ATP2C1: variants seen among roughly 807,000 people sequenced by gnomAD.
ATP2C1 encodes ATPase secretory pathway Ca2+ transporting 1.
ATP2C1 carries 31 observed loss-of-function variants against 120.5 expected under a neutral mutation model. That is an observed-to-expected ratio of 0.26 (90% CI 0.19 to 0.35). The LOEUF is 0.35. Ranked by LOEUF, ATP2C1 falls within the 10% of genes least tolerant of loss-of-function variation. The pLI is 1.00. For synonymous variants in ATP2C1, 351 were observed against 358.7 expected (o/e 0.98, Z 0.24); for missense variants, 731 against 1,107.5 (o/e 0.66, Z 4.83).
At chr3:130,890,781 T>C (rs925686303), upstream of ATP2C1, among the ~76,000 whole-genome samples, 2 of 152,256 alleles carry the variant, frequency 1.3e-5, no homozygotes, top group Non-Finnish European at 2.9e-5. Context: ...TACAACACTC[T>C]TGGCAATAAA....
At chr3:130,980,336 C>T (rs1005910487) in intron 19 of ATP2C1, among the ~76,000 whole-genome samples, 1 of 151,718 alleles carries the variant, frequency 6.6e-6, no homozygotes, top group Non-Finnish European at 1.5e-5. Flanking sequence ...TCCTGTAGCC[C>T]CAAAGTGCAG....
At chr3:130,856,570 A>G (rs1196791304) in intron 1 of ATP2C1, among the ~76,000 whole-genome samples, 3 of 152,266 alleles carry the variant, frequency 2.0e-5, no homozygotes, top group Non-Finnish European at 4.4e-5. Context: ...TTGAAAAGTC[A>G]TGAAATGCTA....
intron 17 of ATP2C1, among the ~76,000 whole-genome samples, chr3:130,970,396 A>ACACACACG (rs1257365835): frequency 1.3e-5 from 2 of 151,126 alleles, no homozygotes; most frequent in Admixed American, 1.3e-4. Context: ...ACACACACAC[A>ACACACACG]CACACACACA....
At chr3:130,934,155 G>A (rs1039250174) in intron 4 of ATP2C1, among the ~76,000 whole-genome samples, 7 of 152,280 alleles carry the variant, frequency 4.6e-5, no homozygotes, top group African/African-American at 1.2e-4. Flanking sequence ...CTTTTGTGGA[G>A]AGGAGGGAAT....
chr3:130,969,301 G>T lies in ATP2C1; in HGVS notation c.1318G>T (p.Asp440Tyr), dbSNP rs1237770130. The stretch of plus-strand genomic sequence containing the variant: ...TCTTTGTGCCATATAGATGGGTCTT[G>T]ATGGACTTCAACAAGACTACATCAG... ...LIALAMKMGL[D>Y]GLQQDYIRKA... The change falls in exon 17 of 28, where the codon GAT (aspartate) becomes TAT (tyrosine). Residue 440 changes from aspartate (D) to tyrosine (Y), a missense_variant. This residue lies in a region of ATP2C1 where 571 missense variants were observed against 845.9 expected (regional missense o/e 0.67). Transcript: ENST00000510168. 6.2e-7 allele frequency: 1 copy of T among 1,612,990 alleles called. No homozygotes were observed. The highest frequency in any genetic ancestry group is 8.5e-7 in the Non-Finnish European group (1 of 1,179,016).
Position 130,939,770 on chromosome 3 carries a change from T to G in ATP2C1, c.361-860T>G, listed in dbSNP as rs116731578. ...GACTGATTGTGTTCTAAGTTATTCT[T>G]ACATAGCCTTGTGTTTTCTATTTGA... On this transcript the variant is annotated intron_variant, in intron 6 of 27. Coordinates refer to ENST00000510168, the MANE Select transcript of ATP2C1 (RefSeq NM_001378687.1). 4.3e-3 allele frequency among the ~76,000 whole-genome samples: 653 copies of G among 152,352 alleles called. 2 individuals are homozygous for G. The highest frequency in any genetic ancestry group is 6.8e-3 in the Middle Eastern group (2 of 294).
intron 2 of ATP2C1, among the ~76,000 whole-genome samples, chr3:130,917,224 C>T (rs764599532): frequency 5.3e-5 from 8 of 152,166 alleles, no homozygotes; most frequent in Non-Finnish European, 1.0e-4. Context: ...CTATGATGTT[C>T]GCTTCGGTAG....
chr3:130,918,386 G>C, intron 2 of ATP2C1: 1 of 1,399,404 alleles, frequency 7.1e-7, no homozygotes, highest in Non-Finnish European at 1.0e-6. Context: ...TTTTGTTCCA[G>C]GGCTTTCCAG....
chr3:130,888,010 T>C (rs921731069), intron 1 of ATP2C1, among the ~76,000 whole-genome samples: 1 of 152,166 alleles, frequency 6.6e-6, no homozygotes. Context: ...GTATTGCGGC[T>C]GATTATTTAG....
intron 5 of ATP2C1, among the ~76,000 whole-genome samples, chr3:130,936,160 A>T (rs72628528): frequency 6.6e-6 from 1 of 152,156 alleles, no homozygotes; most frequent in Non-Finnish European, 1.5e-5. Context: ...CCCAGTATTT[A>T]AGACTTTATT....
At chr3:130,937,805 T>C (rs1242069903) in intron 6 of ATP2C1, among the ~76,000 whole-genome samples, 1 of 152,210 alleles carries the variant, frequency 6.6e-6, no homozygotes, top group Admixed American at 6.5e-5. Flanking sequence ...GACCAGAGTT[T>C]ATAGTTTCAT....
At chr3:130,854,027 G>A (rs1005104223) in intron 1 of ATP2C1, among the ~76,000 whole-genome samples, 15 of 141,938 alleles carry the variant, frequency 1.1e-4, no homozygotes, top group South Asian at 2.4e-4. Flanking sequence ...TGCTCTTCTC[G>A]CACTTGGTGT....
intron 17 of ATP2C1, among the ~76,000 whole-genome samples, chr3:130,970,630 A>C (rs1462808638): frequency 6.6e-6 from 1 of 152,014 alleles, no homozygotes; most frequent in African/African-American, 2.4e-5. Flanking sequence ...CTGGACTCAC[A>C]TGATCCTCCA....
At chr3:130,925,213 G>A (rs959215335) in intron 2 of ATP2C1, among the ~76,000 whole-genome samples, 8 of 152,146 alleles carry the variant, frequency 5.3e-5, no homozygotes, top group Admixed American at 5.2e-4. Context: ...TATGTCAGAG[G>A]GAAGATCTGG....
intron 7 of ATP2C1, 84 bp downstream of exon 7, chr3:130,940,775 C>A: frequency 9.4e-7 from 1 of 1,059,138 alleles, no homozygotes; most frequent in Non-Finnish European, 1.5e-6. Context: ...TTGTTATCCC[C>A]ACTTTGTCTG....
rs1282608629 is a variant in ATP2C1 at position 131,002,861 on chromosome 3, T to G, written c.*1511T>G. The stretch of plus-strand genomic sequence containing the variant: ...TTGAGTGTAAGGAGCTGGCTGCAGT[T>G]TATTCTACTTAACCCTTTAAGGCTG... On this transcript the variant is annotated 3_prime_UTR_variant, in exon 28 of 28. Transcript: ENST00000510168. 2.5e-5 allele frequency: 25 copies of G among 985,726 alleles called. No homozygotes were observed. The highest frequency in any genetic ancestry group is 3.0e-5 in the Non-Finnish European group (25 of 829,922). 61.1% of individuals were successfully genotyped at this position (985,726 alleles called of 1,614,324 possible).
rs771866089 is a variant in ATP2C1, at chr3:131,014,290, G to A, written c.2630-1862G>A. The A allele has an allele frequency of 6.8e-6, 11 of 1,613,856 alleles. No homozygotes were observed. The highest frequency in any genetic ancestry group is 8.5e-6 in the Non-Finnish European group (10 of 1,180,004). The stretch of plus-strand genomic sequence containing the variant: ...GTGGCATTGAATAGATATTCATAAA[G>A]TTGCTTAGCCTCAGGACATATGCTC... On this transcript the variant is annotated intron_variant, in intron 26 of 26. Transcript: ENST00000328560.
chr3:130,949,325 G>A (rs1324565400), intron 8 of ATP2C1, among the ~76,000 whole-genome samples: 1 of 152,098 alleles, frequency 6.6e-6, no homozygotes, highest in African/African-American at 2.4e-5. Context: ...GAAAGGTTTC[G>A]ATAAAACATA....
At chr3:130,977,228 G>A (rs1037868249) in intron 18 of ATP2C1, among the ~76,000 whole-genome samples, 2 of 152,006 alleles carry the variant, frequency 1.3e-5, no homozygotes, top group Non-Finnish European at 2.9e-5. Context: ...TGGTGCAGAG[G>A]GCCTGTTACT....
Sources: allele counts gnomAD v4.1 joint callset (sites outside exome capture counted in the v4.1 genomes callset), GRCh38; gene constraint gnomAD v4.1.1; regional missense constraint gnomAD v4.1.1; transcripts MANE v1.5; gene names NCBI Gene and HGNC (gene_info 2026-07-23, HGNC 2026-07-21).